USH2A: variants seen among roughly 807,000 people sequenced by gnomAD.
The protein encoded by USH2A is Usher syndrome 2A (autosomal recessive, mild).
Under a neutral mutation model 538.9 loss-of-function variants are expected in USH2A, and 443 were observed. That is an observed-to-expected ratio of 0.82 (90% CI 0.76 to 0.89). USH2A has a LOEUF of 0.89. Among genes scored for constraint, USH2A ranks in the 40% least tolerant of loss-of-function variants. The pLI is 0.00. For synonymous variants in USH2A, 2,413 were observed against 2,273.5 expected, an observed-to-expected ratio of 1.06 and a Z score of -1.75; for missense variants, 6,633 against 6,324.8, an observed-to-expected ratio of 1.05 and a Z score of -1.65.
intron 43 of USH2A, among the ~76,000 whole-genome samples, chr1:215,868,735 T>C (rs1414467205): frequency 6.6e-6 from 1 of 152,170 alleles, no homozygotes. Context: ...AGAGAAATTT[T>C]ATAGACACAT....
intron 44 of USH2A, among the ~76,000 whole-genome samples, chr1:215,860,196 G>T (rs1341195422): frequency 1.3e-5 from 2 of 152,152 alleles, no homozygotes; most frequent in Non-Finnish European, 2.9e-5. Context: ...CATGAGCTAA[G>T]CAAAACTCTT....
At chr1:216,008,773 T>C (rs1182279052) in intron 32 of USH2A, among the ~76,000 whole-genome samples, 1 of 152,156 alleles carries the variant, frequency 6.6e-6, no homozygotes, top group African/African-American at 2.4e-5. Context: ...CTTTCCACTC[T>C]TCAATCTCTC....
At chr1:216,383,496 T>A (rs1478266905) in intron 3 of USH2A, among the ~76,000 whole-genome samples, 3 of 152,348 alleles carry the variant, frequency 2.0e-5, no homozygotes, top group Non-Finnish European at 4.4e-5. Context: ...TTTACTATAA[T>A]GATTTTGCTA....
At chr1:216,175,873 C>G (rs1378329852) in intron 20 of USH2A, among the ~76,000 whole-genome samples, 1 of 152,158 alleles carries the variant, frequency 6.6e-6, no homozygotes, top group African/African-American at 2.4e-5. Context: ...TTTCTGATGG[C>G]TCATGGCTGC....
At chr1:216,171,100 A>G (rs1470712124) in intron 21 of USH2A, among the ~76,000 whole-genome samples, 1 of 152,110 alleles carries the variant, frequency 6.6e-6, no homozygotes, top group African/African-American at 2.4e-5. Context: ...AATTTCTTAA[A>G]TTATTAGAGA....
chr1:216,006,991 G>A (rs949389516), intron 32 of USH2A, among the ~76,000 whole-genome samples: 5 of 152,112 alleles, frequency 3.3e-5, no homozygotes, highest in Non-Finnish European at 7.4e-5. Context: ...GGAGGGACCC[G>A]GTGGGAGATA....
intron 44 of USH2A, among the ~76,000 whole-genome samples, chr1:215,852,947 G>T (rs1664058128): frequency 6.6e-6 from 1 of 152,196 alleles, no homozygotes; most frequent in African/African-American, 2.4e-5. Flanking sequence ...CAGGTGCACA[G>T]TGCAAGCTGT....
chr1:215,755,141 T>C (rs11120620), intron 58 of USH2A, among the ~76,000 whole-genome samples: 33,811 of 152,128 alleles, frequency 0.22, 4,025 homozygotes, highest in African/African-American at 0.31. Context: ...CAAAGTCATA[T>C]GTGGAGTTTT....
At chr1:216,051,516 T>C (rs1450375455) in intron 30 of USH2A, among the ~76,000 whole-genome samples, 1 of 152,246 alleles carries the variant, frequency 6.6e-6, no homozygotes, top group Non-Finnish European at 1.5e-5. Flanking sequence ...ATGACTTGCA[T>C]GGCTGAATTA....
In USH2A at chr1:216,252,545, C is replaced by T. The variant is rs969116654; in HGVS notation, c.1972-1447G>A. Reference sequence around the variant, plus strand: ...AAAGAACTATCACTGCCTCAATTGTCCTCATCCAAGAAATAGAGACTCACT... The same window carrying T: ...AAAGAACTATCACTGCCTCAATTGTTCTCATCCAAGAAATAGAGACTCACT... On this transcript the variant is annotated intron_variant, in intron 11 of 71. Coordinates refer to ENST00000307340, the MANE Select transcript of USH2A (RefSeq NM_206933.4). 5.9e-5 allele frequency among the ~76,000 whole-genome samples: 9 copies of T among 152,240 alleles called. No homozygotes were observed. In the South Asian group the frequency reaches 1.9e-3, roughly 32 times the overall value.
chr1:215,830,546 G>T (rs1470204068), intron 47 of USH2A, among the ~76,000 whole-genome samples: 1 of 152,104 alleles, frequency 6.6e-6, no homozygotes, highest in Admixed American at 6.6e-5. Context: ...CATTTCAAAA[G>T]AAATCATATC....
chr1:216,087,167 T>A (rs573717891), intron 23 of USH2A, among the ~76,000 whole-genome samples: 1 of 152,216 alleles, frequency 6.6e-6, no homozygotes, highest in East Asian at 1.9e-4. Context: ...ACAATGGAAA[T>A]CCCTGTTCAT....
chr1:215,640,849 A>C (rs988828726), intron 67 of USH2A, 115 bp from the exon 68 acceptor site: 30 of 1,001,700 alleles, frequency 3.0e-5, no homozygotes, highest in South Asian at 1.3e-4. Context: ...CCAAACAAAA[A>C]AAAAAAAAAA....
chr1:215,909,799 G>A (rs113135608), intron 38 of USH2A, among the ~76,000 whole-genome samples: 108 of 152,042 alleles, frequency 7.1e-4, no homozygotes, highest in African/African-American at 2.5e-3. Flanking sequence ...CCTCATTGAC[G>A]TGAGTCTGGA....
chr1:215,897,533 A>T (rs1832581), intron 40 of USH2A, among the ~76,000 whole-genome samples: 60,359 of 151,566 alleles, frequency 0.4, 12,989 homozygotes, highest in African/African-American at 0.57. Context: ...TAAAAATATT[A>T]AAAAAATTAG....
At position 215,867,011 on chromosome 1, in the gene USH2A, T is replaced by A. The variant is rs772642234; in HGVS notation, c.8841A>T (p.Lys2947Asn). Residue 2947 changes from lysine (K) to asparagine (N), a missense_variant, in exon 44 of 72, where the codon AAA becomes AAT. Physicochemically the swap from Lys to Asn is moderately conservative, Grantham distance 94. Coordinates refer to ENST00000307340, the MANE Select transcript of USH2A (RefSeq NM_206933.4). Reference protein sequence around the residue: ...NHTAIDVRWAKPTVQDLQGEV... With the variant: ...NHTAIDVRWANPTVQDLQGEV... ...AGGTATGAGAAGCTTACTTACTTGGTTTAGCCCACCTCACGTCGATGGCTG... is the reference window on the plus strand; with the variant it reads ...AGGTATGAGAAGCTTACTTACTTGGATTAGCCCACCTCACGTCGATGGCTG... The A allele has an allele frequency of 6.2e-7, 1 of 1,614,114 alleles. No homozygotes were observed. The highest frequency in any genetic ancestry group is 8.5e-7 in the Non-Finnish European group (1 of 1,179,992).
In USH2A at chr1:215,788,296, G is replaced by A. The variant is rs577729813; in HGVS notation, c.10183-1422C>T. ...GGGATGTTGAAACCTGGCTGCAGTAGGAGAAGCCACCTGACTAGATATGTC... is the reference window on the plus strand; with the variant it reads ...GGGATGTTGAAACCTGGCTGCAGTAAGAGAAGCCACCTGACTAGATATGTC... On this transcript the variant is annotated intron_variant, in intron 51 of 71. Transcript: ENST00000307340. Among the ~76,000 whole-genome samples the A allele has an allele frequency of 2.0e-5, 3 of 152,160 alleles. No homozygotes were observed. In the East Asian group the frequency reaches 5.8e-4, roughly 29 times the overall value.
chr1:216,282,329 C>A (rs1189746885), intron 11 of USH2A, among the ~76,000 whole-genome samples: 1 of 152,122 alleles, frequency 6.6e-6, no homozygotes, highest in African/African-American at 2.4e-5. Context: ...TTTGCATCTA[C>A]ATTTTCTTCT....
At chr1:216,332,354 C>T (rs1052317504) in intron 4 of USH2A, among the ~76,000 whole-genome samples, 30 of 152,106 alleles carry the variant, frequency 2.0e-4, no homozygotes, top group African/African-American at 7.2e-4. Flanking sequence ...GCAGTAACAA[C>T]AGTCAGAAGA....
Sources: gnomAD v4.1 joint callset for allele counts (sites outside exome capture counted in the v4.1 genomes callset) on GRCh38, gnomAD v4.1.1 for gene constraint, MANE v1.5 for transcripts, NCBI Gene and HGNC (gene_info 2026-07-23, HGNC 2026-07-21) for gene names.